EXOC2: variants seen among roughly 807,000 people sequenced by gnomAD.
EXOC2 encodes the protein SEC5-like 1.
In EXOC2, 70 loss-of-function variants were observed where a neutral mutation model predicts 131.8. The observed-to-expected ratio is 0.53, with a 90% CI of 0.44 to 0.65. The LOEUF is 0.65. Ranked by LOEUF, EXOC2 falls within the 30% of genes least tolerant of loss-of-function variation. The pLI is 0.00. For synonymous variants in EXOC2, 411 were observed against 398.4 expected, an observed-to-expected ratio of 1.03 and a Z score of -0.38; for missense variants, 923 against 1,108.6, an observed-to-expected ratio of 0.83 and a Z score of 2.38.
chr6:584,865 A>G (rs868866854), intron 11 of EXOC2, among the ~76,000 whole-genome samples: 2 of 152,248 alleles, frequency 1.3e-5, no homozygotes, highest in Admixed American at 1.3e-4. Flanking sequence ...TTCTCCCTTA[A>G]GTTATCAGAC....
Position 576,765 on chromosome 6 carries a change from C to T in EXOC2, c.1310G>A (p.Arg437Gln), listed in dbSNP as rs779704625. 1.5e-5 allele frequency: 24 copies of T among 1,613,676 alleles called. No individual in the cohort carries two copies. The highest frequency in any genetic ancestry group is 5.3e-5 in the African/African-American group (4 of 74,888). Residue 437 changes from arginine to glutamine, a missense_variant, in exon 12 of 28, where the codon CGA becomes CAA. By Grantham distance (43) the Arg-to-Gln change is conservative. Transcript: ENST00000230449. ...TGGAGGGAGATACTTACTGTCGTCTCGACCAGACTGAAAGCTGCTGCCCCT... is the reference window on the plus strand; with the variant it reads ...TGGAGGGAGATACTTACTGTCGTCTTGACCAGACTGAAAGCTGCTGCCCCT... ...LKRGSSFQSG[R>Q]DDTWRYKTPH...
chr6:677,715 C>A (rs918722659), intron 1 of EXOC2, among the ~76,000 whole-genome samples: 2 of 152,302 alleles, frequency 1.3e-5, no homozygotes, highest in East Asian at 3.9e-4. Flanking sequence ...GATCCGCTTG[C>A]CTCGGCCTCC....
At chr6:540,504 G>C (rs930460652) in intron 22 of EXOC2, among the ~76,000 whole-genome samples, 1 of 152,100 alleles carries the variant, frequency 6.6e-6, no homozygotes, top group Non-Finnish European at 1.5e-5. Context: ...AGTTTCTGGA[G>C]AAGAAACACA....
chr6:620,851 A>G (rs919969775), intron 4 of EXOC2, among the ~76,000 whole-genome samples: 1 of 152,194 alleles, frequency 6.6e-6, no homozygotes, highest in Admixed American at 6.5e-5. Context: ...GAGAGACAAG[A>G]ATGGAATGTC....
At chr6:509,736 A>G (rs765203190) in intron 23 of EXOC2, among the ~76,000 whole-genome samples, 29 of 152,334 alleles carry the variant, frequency 1.9e-4, no homozygotes, top group Admixed American at 5.9e-4. Context: ...TTTTCCATGA[A>G]GCATTTCCTG....
At chr6:597,005 C>A (rs1759854628) in intron 10 of EXOC2, among the ~76,000 whole-genome samples, 1 of 152,086 alleles carries the variant, frequency 6.6e-6, no homozygotes, top group Non-Finnish European at 1.5e-5. Context: ...ATTATCTTTG[C>A]AACTATCCTG....
At chr6:503,006 C>T (rs1268603327) in intron 23 of EXOC2, among the ~76,000 whole-genome samples, 1 of 152,104 alleles carries the variant, frequency 6.6e-6, no homozygotes, top group Admixed American at 6.5e-5. Flanking sequence ...CGGAAAGGGC[C>T]GGAGTGAGGC....
intron 1 of EXOC2, among the ~76,000 whole-genome samples, chr6:657,406 C>A (rs1327482321): frequency 5.3e-5 from 8 of 152,172 alleles, no homozygotes; most frequent in Non-Finnish European, 1.0e-4. Context: ...CATTTTACAA[C>A]CTCATCTTCA....
intron 27 of EXOC2, 42 bp downstream of exon 27, chr6:488,937 A>G: frequency 3.8e-6 from 6 of 1,581,830 alleles, no homozygotes; most frequent in Non-Finnish European, 5.2e-6. Flanking sequence ...AACCTTGTTG[A>G]GCACATTCAA....
intron 1 of EXOC2, chr6:689,262 A>C (rs1009749585): frequency 2.6e-5 from 4 of 151,702 alleles, no homozygotes; most frequent in African/African-American, 9.7e-5. Context: ...AACAAAAATA[A>C]AGCAAACTGG....
At chr6:679,674 A>G (rs1221994498) in intron 1 of EXOC2, among the ~76,000 whole-genome samples, 2 of 152,254 alleles carry the variant, frequency 1.3e-5, no homozygotes, top group Non-Finnish European at 2.9e-5. Context: ...TATTACAGCA[A>G]GACGGGGAAA....
chr6:648,310 T>C (rs139591422), intron 1 of EXOC2, among the ~76,000 whole-genome samples: 1 of 152,322 alleles, frequency 6.6e-6, no homozygotes, highest in Non-Finnish European at 1.5e-5. Context: ...GTTTAAAATC[T>C]CTAATAAAAG....
chr6:522,823 C>T (rs1378690819), intron 23 of EXOC2, among the ~76,000 whole-genome samples: 1 of 152,182 alleles, frequency 6.6e-6, no homozygotes, highest in Non-Finnish European at 1.5e-5. Flanking sequence ...AAAGGGAATG[C>T]TGGGTCTTTG....
chr6:626,965 T>G (rs936198632), intron 4 of EXOC2, among the ~76,000 whole-genome samples: 1 of 152,116 alleles, frequency 6.6e-6, no homozygotes, highest in African/African-American at 2.4e-5. Context: ...ACTGACATTT[T>G]CAAAAAGTAG....
rs1214984334 is a variant in EXOC2, at chr6:491,142, G to A, written c.2604C>T (p.Tyr868=). The stretch of plus-strand genomic sequence containing the variant: ...CCACTTACTTGCTTTCGGGTGTCAG[G>A]TAAACAGCCACAGTGTCCCTCAAAG... ...ICALRDTVAV[Y]LTPESKSSFK... Residue 868 remains tyrosine (Y), a synonymous_variant, in exon 26 of 28, where the codon TAC becomes TAT. Transcript: ENST00000230449. The A allele has an allele frequency of 2.5e-6, 4 of 1,614,114 alleles. No individual in the cohort carries two copies. The South Asian group carries it at 3.3e-5, about 13-fold the overall frequency.
At chr6:678,710 C>T (rs572616419) in intron 1 of EXOC2, among the ~76,000 whole-genome samples, 1 of 152,298 alleles carries the variant, frequency 6.6e-6, no homozygotes, top group Admixed American at 6.5e-5. Flanking sequence ...TCCAGGGCAA[C>T]AGGGGGAAGT....
intron 1 of EXOC2, among the ~76,000 whole-genome samples, chr6:651,050 G>T (rs1762806857): frequency 6.8e-6 from 1 of 146,760 alleles, no homozygotes; most frequent in African/African-American, 2.5e-5. Flanking sequence ...TTTTTTTGAG[G>T]CAGAATCTCG....
At chr6:556,434 T>TC (rs1168613691) in intron 18 of EXOC2, 50 bp downstream of exon 18, 1 of 1,586,212 alleles carries the variant, frequency 6.3e-7, no homozygotes, top group South Asian at 1.1e-5. Context: ...CAACTATGAT[T>TC]CCCAAGGCTC....
intron 1 of EXOC2, among the ~76,000 whole-genome samples, chr6:641,536 C>G (rs1374245056): frequency 6.6e-6 from 1 of 152,068 alleles, no homozygotes; most frequent in Non-Finnish European, 1.5e-5. Flanking sequence ...AGGTTCAGTC[C>G]AACACGACTT....
Sources: gnomAD v4.1 joint callset for allele counts (sites outside exome capture counted in the v4.1 genomes callset) on GRCh38, gnomAD v4.1.1 for gene constraint, MANE v1.5 for transcripts, NCBI Gene and HGNC (gene_info 2026-07-23, HGNC 2026-07-21) for gene names.